The following NR1D2 variants were observed in gnomAD, a reference collection of about 807,000 sequenced individuals.
The protein encoded by NR1D2 is V-erbA-related protein 1-related.
A neutral mutation model predicts 52.2 loss-of-function variants in NR1D2; 25 were observed. The observed-to-expected ratio is 0.48, with a 90% CI of 0.35 to 0.67. The LOEUF (loss-of-function observed/expected upper bound fraction) is 0.67, where lower values mean the gene tolerates loss of function less well. NR1D2 is among the 30% of genes least tolerant of loss of function. The pLI, the probability that NR1D2 is intolerant of heterozygous loss-of-function variation, is 0.01. For synonymous variants in NR1D2, 259 were observed against 230.1 expected, an observed-to-expected ratio of 1.13 and a Z score of -1.14; for missense variants, 681 against 707.2, an observed-to-expected ratio of 0.96 and a Z score of 0.42.
At chr3:23,946,477 G>A (rs1705715962) in intron 1 of NR1D2, 2 of 184,262 alleles carry the variant, frequency 1.1e-5, no homozygotes, top group East Asian at 1.9e-4. Flanking sequence ...GGGTAGCACC[G>A]CCCCTGTTAG....
In NR1D2 at chr3:23,962,448, A is replaced by T; in HGVS notation, c.989A>T (p.Tyr330Phe). The part of the protein sequence containing the change: ...GQFKGRNIMH[Y>F]PNGHAICIAN... ...TTCAAAGGGAGGAATATAATGCATTACCCAAATGGTCATGCCATTTGTATT... is the reference window on the plus strand; with the variant it reads ...TTCAAAGGGAGGAATATAATGCATTTCCCAAATGGTCATGCCATTTGTATT... The change falls in exon 5 of 8, where the codon TAC (tyrosine) becomes TTC (phenylalanine). Residue 330 changes from tyrosine (Y) to phenylalanine (F), a missense_variant. Transcript: ENST00000312521. The T allele has an allele frequency of 6.2e-7, 1 of 1,614,208 alleles. No homozygotes were observed. Among genetic ancestry groups the T allele is most frequent in the Admixed American group, 1.7e-5 (1 of 60,022 alleles).
At chr3:23,956,795 C>A (rs191631752) in intron 3 of NR1D2, among the ~76,000 whole-genome samples, 1 of 152,304 alleles carries the variant, frequency 6.6e-6, no homozygotes, top group Non-Finnish European at 1.5e-5. Context: ...TTTTAAAAAA[C>A]TTGGCACAAT....
chr3:23,948,924 G>T (rs1178248884), intron 1 of NR1D2, among the ~76,000 whole-genome samples: 4 of 152,192 alleles, frequency 2.6e-5, no homozygotes, highest in African/African-American at 9.7e-5. Context: ...GTTATAGCTA[G>T]TGGAAAAGGA....
chr3:23,975,531 G>T (rs573367079), intron 7 of NR1D2, among the ~76,000 whole-genome samples: 3 of 152,076 alleles, frequency 2.0e-5, no homozygotes, highest in African/African-American at 7.2e-5. Flanking sequence ...CAGCACTTTC[G>T]GAGGCCGAGG....
In NR1D2 at chr3:23,977,886, C is replaced by T. The variant is rs1706775885; in HGVS notation, c.*467C>T. On this transcript the variant is annotated 3_prime_UTR_variant, in exon 8 of 8. Coordinates refer to ENST00000312521, the MANE Select transcript of NR1D2 (RefSeq NM_005126.5). ...TTCGGGATTTAGGAGATCTCCATGT[C>T]TGTATTTACTCTACCACTGCTAAAG... 6.6e-6 allele frequency: 1 copy of T among 152,326 alleles called. No individual in the cohort carries two copies. Among genetic ancestry groups the T allele is most frequent in the Non-Finnish European group, 1.5e-5 (1 of 68,182 alleles). The allele number at this position is 152,326 out of a possible 1,614,324, so 9.4% of individuals were successfully genotyped here.
At position 23,977,238 on chromosome 3, in the gene NR1D2, A is replaced by G. The variant is rs1706753459; in HGVS notation, c.1559A>G (p.Glu520Gly). ...TCTCTCTTAGATCGATCTGGAATAGAAAACGTCAACTCTGTGGAGGCTTTG... is the reference window on the plus strand; with the variant it reads ...TCTCTCTTAGATCGATCTGGAATAGGAAACGTCAACTCTGTGGAGGCTTTG... The part of the protein sequence containing the change: ...VLVSADRSGI[E>G]NVNSVEALQE... Residue 520 changes from glutamate to glycine, a missense_variant, in exon 8 of 8, where the codon GAA (glutamate) becomes GGA (glycine). Glu to Gly is a moderately conservative substitution (Grantham distance 98). Around this residue, in one of 3 missense-constraint regions of NR1D2, gnomAD observed 475 missense variants for 454.5 expected, o/e 1.05. Transcript: ENST00000312521. 1 of 1,590,482 alleles carries G rather than the reference A, an allele frequency of 6.3e-7. No homozygotes were observed. Among genetic ancestry groups the G allele is most frequent in the African/African-American group, 1.4e-5 (1 of 73,358 alleles).
At position 23,962,033 on chromosome 3, in the gene NR1D2, C is replaced by G; in HGVS notation, c.574C>G (p.Gln192Glu). The change falls in exon 5 of 8, where the codon CAA becomes GAA. Residue 192 changes from glutamine (Q) to glutamate (E), a missense_variant. Gln to Glu is a conservative substitution (Grantham distance 29). Coordinates refer to ENST00000312521, the MANE Select transcript of NR1D2 (RefSeq NM_005126.5). ...REKQRMLIEM[Q>E]SAMKTMMNSQ... ...AAAACAGAGGATGCTAATTGAAATG[C>G]AAAGTGCAATGAAGACCATGATGAA... The G allele has an allele frequency of 6.2e-7, 1 of 1,613,562 alleles. No homozygotes were observed. Among genetic ancestry groups the G allele is most frequent in the Non-Finnish European group, 8.5e-7 (1 of 1,179,646 alleles).
chr3:23,966,380 A>G (rs994238825), intron 6 of NR1D2, among the ~76,000 whole-genome samples: 1 of 152,182 alleles, frequency 6.6e-6, no homozygotes, highest in Non-Finnish European at 1.5e-5. Flanking sequence ...TTCTTTGTGG[A>G]TAGTCTCTTT....
At chr3:23,953,600 GTAT>G in intron 1 of NR1D2, among the ~76,000 whole-genome samples, 1 of 152,284 alleles carries the variant, frequency 6.6e-6, no homozygotes, top group Non-Finnish European at 1.5e-5. Flanking sequence ...AGAAGGGAGA[GTAT>G]TGAACTGGGG....
At chr3:23,968,527 G>A (rs1483537417) in intron 7 of NR1D2, among the ~76,000 whole-genome samples, 1 of 152,168 alleles carries the variant, frequency 6.6e-6, no homozygotes, top group East Asian at 1.9e-4. Flanking sequence ...ACTCTTTTGG[G>A]TCTTGGATTC....
Position 23,967,943 on chromosome 3 carries a change from A to G in NR1D2, c.1463A>G (p.Glu488Gly). 6.2e-7 allele frequency: 1 copy of G among 1,614,186 alleles called. No homozygotes were observed. Among genetic ancestry groups the G allele is most frequent in the East Asian group, 2.2e-5 (1 of 44,880 alleles). ...GGGGATCTGCTAAACTCTATGTTTGAATTTAGTGAGAAGCTAAATGCCCTC... is the reference window on the plus strand; with the variant it reads ...GGGGATCTGCTAAACTCTATGTTTGGATTTAGTGAGAAGCTAAATGCCCTC... ...GAGDLLNSMFEFSEKLNALQL... is the reference protein window; with the variant it reads ...GAGDLLNSMFGFSEKLNALQL... The change falls in exon 7 of 8, where the codon GAA (glutamate) becomes GGA (glycine). Residue 488 changes from glutamate (E) to glycine (G), a missense_variant. Transcript: ENST00000312521.
intron 3 of NR1D2, among the ~76,000 whole-genome samples, chr3:23,957,540 C>A (rs1020019413): frequency 1.3e-5 from 2 of 149,770 alleles, no homozygotes; most frequent in South Asian, 2.1e-4. Context: ...CATAGTGAAA[C>A]CCTGTCTCTA....
At chr3:23,964,279 A>G (rs1031311589) in intron 5 of NR1D2, among the ~76,000 whole-genome samples, 3 of 151,890 alleles carry the variant, frequency 2.0e-5, no homozygotes, top group African/African-American at 7.3e-5. Context: ...GGGTTTCACC[A>G]TGTTGGCCAG....
chr3:23,950,576 G>A (rs772862518), intron 1 of NR1D2, among the ~76,000 whole-genome samples: 1 of 152,186 alleles, frequency 6.6e-6, no homozygotes, highest in South Asian at 2.1e-4. Context: ...CAGGTTCATA[G>A]ATGGGTGTCT....
At position 23,954,528 on chromosome 3, in the gene NR1D2, A is replaced by G. The variant is rs181813342; in HGVS notation, c.17-9A>G. The G allele has an allele frequency of 3.4e-5, 55 of 1,607,420 alleles. No homozygotes were observed. The highest frequency in any genetic ancestry group is 1.7e-4 in the Middle Eastern group (1 of 6,042). On this transcript the variant is annotated splice_polypyrimidine_tract_variant and intron_variant, in intron 1 of 7. Transcript: ENST00000312521. ...TATCTAATTATGTGATTTTCCTCCT[A>G]TTTTCTAGGAGGTGTGATTGCCTAT...
intron 7 of NR1D2, among the ~76,000 whole-genome samples, chr3:23,975,286 T>TA (rs1706693399): frequency 6.8e-6 from 1 of 146,110 alleles, no homozygotes; most frequent in Non-Finnish European, 1.5e-5. Context: ...CCCATTCAAT[T>TA]AAATTTTTTT....
At chr3:23,947,904 G>GGT (rs1705801820) in intron 1 of NR1D2, among the ~76,000 whole-genome samples, 1 of 152,068 alleles carries the variant, frequency 6.6e-6, no homozygotes, top group Non-Finnish European at 1.5e-5. Context: ...GATCCCCTGA[G>GGT]GTAAGGAGTT....
intron 4 of NR1D2, among the ~76,000 whole-genome samples, chr3:23,960,674 T>C (rs1023657045): frequency 6.6e-6 from 1 of 152,306 alleles, no homozygotes; most frequent in South Asian, 2.1e-4. Context: ...GATGTTTTGT[T>C]TTTTCAATTC....
chr3:23,962,741 AT>A, intron 5 of NR1D2, 136 bp downstream of exon 5: 2 of 776,056 alleles, frequency 2.6e-6, no homozygotes, highest in Admixed American at 2.8e-5. Context: ...TTTGTACAGT[AT>A]TTTAGGTCAA....
Sources: gnomAD v4.1 joint callset for allele counts (sites outside exome capture counted in the v4.1 genomes callset) on GRCh38, gnomAD v4.1.1 for gene constraint, gnomAD v4.1.1 regional missense constraint, MANE v1.5 for transcripts, NCBI Gene and HGNC (gene_info 2026-07-23, HGNC 2026-07-21) for gene names.